Variants in PIGV observed in about 807,000 individuals in gnomAD.
The protein encoded by PIGV is GPI alpha-1,6-mannosyltransferase 2.
In PIGV, 27 loss-of-function variants were observed where a neutral mutation model predicts 39.2. The ratio of observed to expected loss-of-function variants is 0.69; its 90% CI spans 0.51 to 0.95. PIGV has a LOEUF of 0.95. PIGV is among the 40% of genes least tolerant of loss of function. PIGV has a pLI of 0.00. For synonymous variants in PIGV, 232 were observed against 241.7 expected (o/e 0.96, Z 0.37); for missense variants, 523 against 586.4 (o/e 0.89, Z 1.12).
chr1:26,794,617 C>T lies in PIGV; in HGVS notation c.583C>T (p.Leu195Phe). The change falls in exon 3 of 4, where the codon CTC becomes TTC. Residue 195 changes from leucine (L) to phenylalanine (F), a missense_variant. Physicochemically the swap from Leu to Phe is conservative, Grantham distance 22. Transcript: ENST00000674202. ...ERGRVWTSVLLFAFATGVRSN... is the reference protein window; with the variant it reads ...ERGRVWTSVLFFAFATGVRSN... Reference sequence around the variant, plus strand: ...GGGCCGAGTCTGGACTAGTGTACTCCTCTTTGCCTTTGCCACTGGGGTACG... The same window carrying T: ...GGGCCGAGTCTGGACTAGTGTACTCTTCTTTGCCTTTGCCACTGGGGTACG... The T allele has an allele frequency of 2.5e-6, 4 of 1,614,262 alleles. No homozygotes were observed. The highest frequency in any genetic ancestry group is 3.4e-6 in the Non-Finnish European group (4 of 1,180,056).
chr1:26,794,750 C>G lies in PIGV; in HGVS notation c.716C>G (p.Ala239Gly). ...CTGAGACAGCTCTTTAAGCTGATGGCCTCTCTGTTTCTGTCGGTGTTCACA... is the reference window on the plus strand; with the variant it reads ...CTGAGACAGCTCTTTAAGCTGATGGGCTCTCTGTTTCTGTCGGTGTTCACA... ...NPLRQLFKLM[A>G]SLFLSVFTLG... The change falls in exon 3 of 4, where the codon GCC (alanine) becomes GGC (glycine). Residue 239 changes from alanine to glycine, a missense_variant. By Grantham distance (60) the Ala-to-Gly change is moderately conservative. Coordinates refer to ENST00000674202, the MANE Select transcript of PIGV (RefSeq NM_017837.4). 1 of 1,614,194 alleles carries G rather than the reference C, an allele frequency of 6.2e-7. No individual in the cohort carries two copies. Among genetic ancestry groups the G allele is most frequent in the Non-Finnish European group, 8.5e-7 (1 of 1,180,026 alleles).
intron 1 of PIGV, chr1:26,788,491 GC>G (rs1324284568): frequency 6.6e-6 from 1 of 152,316 alleles, no homozygotes; most frequent in African/African-American, 2.4e-5. Flanking sequence ...CTCAGATAGG[GC>G]CCAACTACCC....
chr1:26,789,180 A>G (rs1254452674), intron 1 of PIGV: 17 of 152,238 alleles, frequency 1.1e-4, no homozygotes, highest in Admixed American at 1.1e-3. Flanking sequence ...CTCTCGATTC[A>G]GCGAGTCATA....
chr1:26,797,705 A>G lies in PIGV; in HGVS notation c.1343A>G (p.Lys448Arg), dbSNP rs1324547284. 6 of 1,613,980 alleles carry G rather than the reference A, an allele frequency of 3.7e-6. No individual in the cohort carries two copies. The highest frequency in any genetic ancestry group is 5.1e-6 in the Non-Finnish European group (6 of 1,179,956). The change falls in exon 4 of 4, where the codon AAG becomes AGG. Residue 448 changes from lysine (K) to arginine (R), a missense_variant. Physicochemically the swap from Lys to Arg is conservative, Grantham distance 26. Coordinates refer to ENST00000674202, the MANE Select transcript of PIGV (RefSeq NM_017837.4). Reference protein sequence around the residue: ...PLAEDSPPGQKVPRNPIMGLL... With the variant: ...PLAEDSPPGQRVPRNPIMGLL... ...GCAGAGGACTCCCCACCAGGACAAA[A>G]GGTCCCCAGAAATCCTATCATGGGA...
At chr1:26,796,493 A>G (rs1358877572) in intron 3 of PIGV, among the ~76,000 whole-genome samples, 1 of 152,048 alleles carries the variant, frequency 6.6e-6, no homozygotes, top group Non-Finnish European at 1.5e-5. Flanking sequence ...AAGCTCAGAT[A>G]AAGTATTATG....
At chr1:26,788,320 CCAGAAACGGGTTGCGGA>C in intron 1 of PIGV, 52 bp downstream of exon 1, 1 of 152,466 alleles carries the variant, frequency 6.6e-6, no homozygotes, top group South Asian at 2.1e-4. Context: ...AAGGAGCCGG[CCAGAAACGGGTTGCGGA>C]CACGGCTGGG....
At position 26,799,994 on chromosome 1, in the gene PIGV, A is replaced by G. The variant is rs2081432669; in HGVS notation, c.*2150A>G. Among the ~76,000 whole-genome samples the G allele has an allele frequency of 6.6e-6, 1 of 152,108 alleles. No homozygotes were observed. Among genetic ancestry groups the G allele is most frequent in the Admixed American group, 6.6e-5 (1 of 15,264 alleles). On this transcript the variant is annotated 3_prime_UTR_variant, in exon 4 of 4. Transcript: ENST00000674202. ...CCTCTTTGCCTCCTTTTGGGGGATAATCAGGACTGATTATTCCTCTACTGG... is the reference window on the plus strand; with the variant it reads ...CCTCTTTGCCTCCTTTTGGGGGATAGTCAGGACTGATTATTCCTCTACTGG...
chr1:26,794,975 T>C lies in PIGV; in HGVS notation c.941T>C (p.Val314Ala), dbSNP rs763425078. ...YSYIQDVYWN[V>A]GFLKYYELKQ... ...TATATCCAGGATGTCTACTGGAATGTTGGCTTTTTGAAATACTATGAGCTC... is the reference window on the plus strand; with the variant it reads ...TATATCCAGGATGTCTACTGGAATGCTGGCTTTTTGAAATACTATGAGCTC... The change falls in exon 3 of 4, where the codon GTT becomes GCT. Residue 314 changes from valine (V) to alanine (A), a missense_variant. By Grantham distance (64) the Val-to-Ala change is moderately conservative. Coordinates refer to ENST00000674202, the MANE Select transcript of PIGV (RefSeq NM_017837.4). The C allele has an allele frequency of 1.2e-6, 2 of 1,614,086 alleles. No homozygotes were observed. Among genetic ancestry groups the C allele is most frequent in the Non-Finnish European group, 1.7e-6 (2 of 1,180,038 alleles).
chr1:26,789,609 G>T (rs1156790418), intron 1 of PIGV, among the ~76,000 whole-genome samples: 1 of 152,158 alleles, frequency 6.6e-6, no homozygotes, highest in Non-Finnish European at 1.5e-5. Flanking sequence ...GTGATGTAAA[G>T]CCCCTGCCCT....
chr1:26,791,841 C>T (rs1236540995), intron 2 of PIGV, among the ~76,000 whole-genome samples: 2 of 152,164 alleles, frequency 1.3e-5, no homozygotes, highest in Non-Finnish European at 2.9e-5. Context: ...GTTAAAAAGC[C>T]TTAAAAATGG....
rs1384852462 is a variant in PIGV at position 26,799,224 on chromosome 1, C to T, written c.*1380C>T. ...GTGCCTGTTGTGCCGTTCTCAGATGCCTGCTTACTTGATCAGTAGACATGG... is the reference window on the plus strand; with the variant it reads ...GTGCCTGTTGTGCCGTTCTCAGATGTCTGCTTACTTGATCAGTAGACATGG... On this transcript the variant is annotated 3_prime_UTR_variant, in exon 4 of 4. Transcript: ENST00000674202. 6.6e-6 allele frequency among the ~76,000 whole-genome samples: 1 copy of T among 152,178 alleles called. No individual in the cohort carries two copies. The highest frequency in any genetic ancestry group is 1.5e-5 in the Non-Finnish European group (1 of 68,040).
chr1:26,787,887 G>T (rs914355612), upstream of PIGV: 1 of 152,298 alleles, frequency 6.6e-6, no homozygotes, highest in Non-Finnish European at 1.5e-5. Context: ...GCCGCGCAGG[G>T]AGGCGGGGCT....
Position 26,794,145 on chromosome 1 carries a change from T to G in PIGV, c.111T>G (p.His37Gln), listed in dbSNP as rs1057523852. 3.1e-6 allele frequency: 5 copies of G among 1,614,136 alleles called. No individual in the cohort carries two copies. In the African/African-American group the frequency reaches 4.0e-5, roughly 13 times the overall value. ...ALFNAIIPDH[H>Q]AEAFSPPRLA... ...TCAATGCCATCATCCCAGATCACCA[T>G]GCAGAAGCCTTCTCTCCTCCTCGCC... is the stretch of plus-strand genomic sequence containing the variant. The change falls in exon 3 of 4, where the codon CAT becomes CAG. Residue 37 changes from histidine (H) to glutamine (Q), a missense_variant. Physicochemically the swap from His to Gln is conservative, Grantham distance 24. Transcript: ENST00000674202.
chr1:26,796,956 T>A (rs986466131), intron 3 of PIGV, among the ~76,000 whole-genome samples: 1 of 152,258 alleles, frequency 6.6e-6, no homozygotes, highest in African/African-American at 2.4e-5. Flanking sequence ...AGTTTCTTCC[T>A]GTTGGAGTTG....
Position 26,798,064 on chromosome 1 carries a change from T to C in PIGV, c.*220T>C. ...AAATTTTAGACAACTATTTTCTCTG[T>C]AAGTGAAGATTGTCGTATTCCAAGT... On this transcript the variant is annotated 3_prime_UTR_variant, in exon 4 of 4. Transcript: ENST00000674202. 1 of 575,712 alleles carries C rather than the reference T, an allele frequency of 1.7e-6. No individual in the cohort carries two copies. The highest frequency in any genetic ancestry group is 3.1e-6 in the Non-Finnish European group (1 of 321,708). 35.7% of individuals were successfully genotyped at this position (575,712 alleles called of 1,614,324 possible).
chr1:26,792,352 G>C (rs2081322326), intron 2 of PIGV, among the ~76,000 whole-genome samples: 2 of 145,494 alleles, frequency 1.4e-5, no homozygotes, highest in African/African-American at 5.1e-5. Flanking sequence ...ACGGAGTCTC[G>C]CTCTGTCGCC....
intron 2 of PIGV, among the ~76,000 whole-genome samples, chr1:26,792,320 A>ATT (rs34566875): frequency 2.8e-4 from 36 of 129,272 alleles, no homozygotes; most frequent in Non-Finnish European, 4.3e-4. Context: ...TAATTTTTGT[A>ATT]TTTTTTTTTT....
chr1:26,795,874 T>A (rs1000758936), intron 3 of PIGV, among the ~76,000 whole-genome samples: 20 of 150,324 alleles, frequency 1.3e-4, no homozygotes, highest in Admixed American at 4.0e-4. Context: ...TTATTTATTT[T>A]TTTAGATGGA....
chr1:26,792,368 C>T (rs1331261500), intron 2 of PIGV, among the ~76,000 whole-genome samples: 13 of 150,940 alleles, frequency 8.6e-5, no homozygotes, highest in East Asian at 3.9e-4. Flanking sequence ...TCGCCCAGGC[C>T]GGACTGCGGA....
Sources: gnomAD v4.1 joint callset for allele counts (sites outside exome capture counted in the v4.1 genomes callset) on GRCh38, gnomAD v4.1.1 for gene constraint, MANE v1.5 for transcripts, NCBI Gene and HGNC (gene_info 2026-07-23, HGNC 2026-07-21) for gene names.